Variants in FER observed in about 807,000 individuals in gnomAD.
FER encodes tyrosine-protein kinase Fer.
In FER, 63 loss-of-function variants were observed where a neutral mutation model predicts 111.0. The observed-to-expected ratio is 0.57, with a 90% CI of 0.46 to 0.70. The LOEUF (loss-of-function observed/expected upper bound fraction) is 0.70, where lower values mean the gene tolerates loss of function less well. FER is among the 30% of genes least tolerant of loss of function. The pLI, the probability that FER is intolerant of heterozygous loss-of-function variation, is 0.00. For missense variants in FER, 914 were observed against 954.0 expected (o/e 0.96, Z 0.55); for synonymous variants, 327 against 313.9 (o/e 1.04, Z -0.44).
At chr5:109,001,765 T>C (rs568945316) in intron 13 of FER, among the ~76,000 whole-genome samples, 2 of 152,340 alleles carry the variant, frequency 1.3e-5, no homozygotes, top group African/African-American at 4.8e-5. Flanking sequence ...CTCCTTAAGC[T>C]AATAGGCAAC....
chr5:109,187,484 T>C lies in FER; in HGVS notation c.2378T>C (p.Met793Thr). 1 of 1,614,168 alleles carries C rather than the reference T, an allele frequency of 6.2e-7. No individual in the cohort carries two copies. Among genetic ancestry groups the C allele is most frequent in the Non-Finnish European group, 8.5e-7 (1 of 1,180,006 alleles). ...QHCPEDISKIMMKCWDYKPEN... is the reference protein window; with the variant it reads ...QHCPEDISKITMKCWDYKPEN... ...TGTCCAGAGGATATTTCCAAAATCA[T>C]GATGAAGTGTTGGGATTATAAACCT... is the stretch of plus-strand genomic sequence containing the variant. The change falls in exon 20 of 20, where the codon ATG (methionine) becomes ACG (threonine). Residue 793 changes from methionine to threonine, a missense_variant. Coordinates refer to ENST00000281092, the MANE Select transcript of FER (RefSeq NM_005246.4).
At chr5:109,082,815 A>T (rs1357712018) in intron 16 of FER, among the ~76,000 whole-genome samples, 1 of 152,012 alleles carries the variant, frequency 6.6e-6, no homozygotes, top group Non-Finnish European at 1.5e-5. Context: ...ATCCTAGGAA[A>T]TTTTAGTACC....
chr5:109,171,317 G>C (rs1396723158), intron 17 of FER, among the ~76,000 whole-genome samples: 1 of 152,070 alleles, frequency 6.6e-6, no homozygotes, highest in Non-Finnish European at 1.5e-5. Flanking sequence ...AGCTTATACA[G>C]CTTATTAAAG....
At chr5:108,944,108 TACACACACACACACAC>T (rs34138754) in intron 10 of FER, among the ~76,000 whole-genome samples, 2 of 145,638 alleles carry the variant, frequency 1.4e-5, no homozygotes, top group Admixed American at 6.9e-5. Context: ...TGTGTATGTG[TACACACACACACACAC>T]ACACACACAC....
intron 17 of FER, among the ~76,000 whole-genome samples, chr5:109,126,638 C>T (rs145714105): frequency 6.6e-6 from 1 of 152,178 alleles, no homozygotes; most frequent in Non-Finnish European, 1.5e-5. Flanking sequence ...CAGGTCTGAT[C>T]TCTTTTTTCA....
At chr5:109,144,983 C>T (rs1345424944) in intron 17 of FER, among the ~76,000 whole-genome samples, 4 of 151,022 alleles carry the variant, frequency 2.6e-5, no homozygotes, top group Non-Finnish European at 5.9e-5. Context: ...TCTCCTTTCT[C>T]TGTTTTTCAA....
intron 2 of FER, chr5:108,784,341 C>T (rs943330204): frequency 3.3e-5 from 5 of 153,214 alleles, no homozygotes; most frequent in African/African-American, 1.2e-4. Flanking sequence ...CTCTCAAGCT[C>T]CTTGGATGGA....
Position 108,806,668 on chromosome 5 carries a change from G to A in FER, c.207+8279G>A, listed in dbSNP as rs543089469. On this transcript the variant is annotated intron_variant, in intron 3 of 19. Coordinates refer to ENST00000281092, the MANE Select transcript of FER (RefSeq NM_005246.4). Reference sequence around the variant, plus strand: ...CATTTTGGAGCTTTGAGATTTGACTGCCCCACTGGATTTCAGACTTGCATG... The same window carrying A: ...CATTTTGGAGCTTTGAGATTTGACTACCCCACTGGATTTCAGACTTGCATG... 4.3e-4 allele frequency among the ~76,000 whole-genome samples: 65 copies of A among 152,300 alleles called. 3 individuals are homozygous for A. In the South Asian group the frequency reaches 0.013, roughly 31 times the overall value.
chr5:109,046,844 A>G (rs1251855532), intron 15 of FER, among the ~76,000 whole-genome samples: 4 of 152,104 alleles, frequency 2.6e-5, no homozygotes, highest in Non-Finnish European at 4.4e-5. Context: ...GTATGCAAAT[A>G]TTGCACCATT....
intron 2 of FER, among the ~76,000 whole-genome samples, chr5:108,793,015 C>A (rs142704145): frequency 0.012 from 1,868 of 152,260 alleles, 37 homozygotes; most frequent in African/African-American, 0.043. Context: ...CTTTGTGTCA[C>A]AAACAATTCA....
At chr5:108,941,254 T>A (rs1479367922) in intron 10 of FER, among the ~76,000 whole-genome samples, 3 of 152,206 alleles carry the variant, frequency 2.0e-5, no homozygotes, top group African/African-American at 7.2e-5. Flanking sequence ...AACCAACTTA[T>A]TAACTACAGC....
intron 10 of FER, among the ~76,000 whole-genome samples, chr5:108,899,625 T>C (rs964241314): frequency 4.6e-5 from 7 of 151,444 alleles, no homozygotes; most frequent in African/African-American, 1.5e-4. Flanking sequence ...GGTGAAACCC[T>C]GTCTCTACTA....
intron 16 of FER, chr5:109,052,322 C>T: frequency 1.9e-6 from 3 of 1,604,464 alleles, no homozygotes; most frequent in Non-Finnish European, 1.7e-6. Context: ...TGCTCATCTC[C>T]CCAGGCTGAC....
intron 8 of FER, among the ~76,000 whole-genome samples, chr5:108,875,602 A>T (rs112532951): frequency 5.5e-4 from 84 of 152,274 alleles, no homozygotes; most frequent in African/African-American, 1.6e-3. Context: ...TGAACATTAG[A>T]AGAATATATT....
chr5:109,033,271 T>C (rs1769899306), intron 13 of FER, among the ~76,000 whole-genome samples: 1 of 152,100 alleles, frequency 6.6e-6, no homozygotes, highest in African/African-American at 2.4e-5. Context: ...CTTGTCCCTT[T>C]ACAAAAAACA....
chr5:109,080,626 G>A (rs919561377), intron 16 of FER, among the ~76,000 whole-genome samples: 6 of 152,068 alleles, frequency 3.9e-5, no homozygotes, highest in Admixed American at 3.3e-4. Context: ...TTCAAGATGT[G>A]TAAAGAAAGT....
intron 17 of FER, among the ~76,000 whole-genome samples, chr5:109,112,061 T>C (rs77687019): frequency 0.023 from 3,499 of 152,306 alleles, 125 homozygotes; most frequent in African/African-American, 0.08. Flanking sequence ...TTACACAGTT[T>C]TATTTGCTTT....
At chr5:109,124,449 T>C (rs980204350) in intron 17 of FER, among the ~76,000 whole-genome samples, 1 of 152,216 alleles carries the variant, frequency 6.6e-6, no homozygotes. Flanking sequence ...AACCCCTTCG[T>C]AAATTGCCCA....
At chr5:108,837,381 C>T (rs1256104719) in intron 5 of FER, among the ~76,000 whole-genome samples, 1 of 152,134 alleles carries the variant, frequency 6.6e-6, no homozygotes, top group African/African-American at 2.4e-5. Context: ...CAAGGTATCC[C>T]TTGCTAAATC....
Sources: gnomAD v4.1 joint callset for allele counts (sites outside exome capture counted in the v4.1 genomes callset) on GRCh38, gnomAD v4.1.1 for gene constraint, MANE v1.5 for transcripts, NCBI Gene and HGNC (gene_info 2026-07-23, HGNC 2026-07-21) for gene names.